Variants in CHD5 observed in about 807,000 individuals in gnomAD.
CHD5 encodes the protein ATP-dependent chromatin remodeler CHD5.
Under a neutral mutation model 230.3 loss-of-function variants are expected in CHD5, and 69 were observed. The ratio of observed to expected loss-of-function variants is 0.30; its 90% CI spans 0.25 to 0.37. The LOEUF is 0.37. Among genes scored for constraint, CHD5 ranks in the 10% least tolerant of loss-of-function variants. CHD5 has a pLI of 1.00. For synonymous variants in CHD5, 1,064 were observed against 1,065.9 expected, an observed-to-expected ratio of 1.00 and a Z score of 0.03; for missense variants, 1,827 against 2,622.8, an observed-to-expected ratio of 0.70 and a Z score of 6.63.
chr1:6,112,863 C>T (rs1339901195), intron 34 of CHD5, 46 bp downstream of exon 34: 2 of 1,460,952 alleles, frequency 1.4e-6, no homozygotes, highest in East Asian at 2.3e-5. Flanking sequence ...AGGGCACCCT[C>T]AAGGGACCAT....
intron 11 of CHD5, 87 bp from the exon 12 acceptor site, chr1:6,144,242 A>AT: frequency 1.3e-6 from 2 of 1,565,816 alleles, no homozygotes; most frequent in Non-Finnish European, 1.7e-6. Context: ...ATGCAGAGCC[A>AT]TTCACACCCA....
intron 15 of CHD5, among the ~76,000 whole-genome samples, chr1:6,137,207 A>C (rs1404945080): frequency 6.6e-6 from 1 of 152,184 alleles, no homozygotes; most frequent in Non-Finnish European, 1.5e-5. Flanking sequence ...TCCCAGGCTC[A>C]AGCAATCCTC....
In CHD5 at chr1:6,152,466, G is replaced by A. The variant is rs140463225; in HGVS notation, c.816C>T (p.Ala272=). The A allele has an allele frequency of 3.9e-5, 63 of 1,614,016 alleles. No individual in the cohort carries two copies. Among genetic ancestry groups the A allele is most frequent in the Admixed American group, 8.3e-5 (5 of 59,994 alleles). The change falls in exon 6 of 42, where the codon GCC becomes GCT. Residue 272 remains alanine, a synonymous_variant. Transcript: ENST00000262450. ...TCCCCCCGAAGCGGAACTTGAGCCCGGCCGTCTTTTTCCCTTTGCCCTTTT... is the reference window on the plus strand; with the variant it reads ...TCCCCCCGAAGCGGAACTTGAGCCCAGCCGTCTTTTTCCCTTTGCCCTTTT... ...GKKKGKGKKT[A]GLKFRFGGIS... is the part of the protein sequence containing the mutation.
chr1:6,110,881 G>T (rs1666276871), intron 36 of CHD5, among the ~76,000 whole-genome samples: 1 of 152,180 alleles, frequency 6.6e-6, no homozygotes, highest in Non-Finnish European at 1.5e-5. Context: ...TTAAGAAAGG[G>T]TCATGCTGGA....
rs1341010775 is a variant in CHD5 at position 6,154,072 on chromosome 1, A to G, written c.745+588T>C. ...GATCTCCTTCCAGGCCTGTCCCAGA[A>G]CAGCCTCCCTGGGAAGCGAGACCTG... On this transcript the variant is annotated intron_variant, in intron 5 of 41. Coordinates refer to ENST00000262450, the MANE Select transcript of CHD5 (RefSeq NM_015557.3). This position sits in a 1 kb window ranked among gnomAD's most constrained non-coding sequence, Gnocchi z 7.0. Among the ~76,000 whole-genome samples the G allele has an allele frequency of 6.6e-6, 1 of 152,076 alleles. No homozygotes were observed. The highest frequency in any genetic ancestry group is 1.5e-5 in the Non-Finnish European group (1 of 67,980).
intron 30 of CHD5, 101 bp downstream of exon 30, chr1:6,124,416 C>T (rs966517597): frequency 7.3e-7 from 1 of 1,376,094 alleles, no homozygotes; most frequent in African/African-American, 1.4e-5. Context: ...AGCTGTGTGG[C>T]CTGAACCAGG....
chr1:6,123,517 C>G (rs1420495199), intron 31 of CHD5, among the ~76,000 whole-genome samples: 1 of 151,976 alleles, frequency 6.6e-6, no homozygotes, highest in Non-Finnish European at 1.5e-5. Context: ...ACCTCCGCTT[C>G]CCAGGTTCAA....
Position 6,124,018 on chromosome 1 carries a change from G to C in CHD5, c.4629C>G (p.Ile1543Met). 3 of 1,612,916 alleles carry C rather than the reference G, an allele frequency of 1.9e-6. No homozygotes were observed. Among genetic ancestry groups the C allele is most frequent in the Non-Finnish European group, 2.5e-6 (3 of 1,179,696 alleles). The change falls in exon 31 of 42, where the codon ATC becomes ATG. Residue 1543 changes from isoleucine (I) to methionine (M), a missense_variant. This residue lies in a region of CHD5 where 272 missense variants were observed against 263.2 expected (regional missense o/e 1.03). Coordinates refer to ENST00000262450, the MANE Select transcript of CHD5 (RefSeq NM_015557.3). ...GPEGKKSGEVISSDPNTPVPA... is the reference protein window; with the variant it reads ...GPEGKKSGEVMSSDPNTPVPA... ...GCACTGGTGTGTTGGGGTCCGAGGA[G>C]ATCACCTCGCCCGACTTCTTCCCCT...
intron 1 of CHD5, among the ~76,000 whole-genome samples, chr1:6,169,001 AGAGT>A (rs2100882848): frequency 6.6e-6 from 1 of 150,720 alleles, no homozygotes; most frequent in East Asian, 1.9e-4. Flanking sequence ...CCTGGGCAAC[AGAGT>A]GAGACTCCAT....
In CHD5 at chr1:6,112,267, C is replaced by T. The variant is rs761758187; in HGVS notation, c.5013G>A (p.Lys1671=). The T allele has an allele frequency of 6.2e-7, 1 of 1,614,136 alleles. No individual in the cohort carries two copies. Among genetic ancestry groups the T allele is most frequent in the South Asian group, 1.1e-5 (1 of 91,072 alleles). Reference sequence around the variant, plus strand: ...TTTCAATGGGCTCCTTCTCCTCAGCCTTGGTGTCATCTGCCGGGGACAGAT... The same window carrying T: ...TTTCAATGGGCTCCTTCTCCTCAGCTTTGGTGTCATCTGCCGGGGACAGAT... The part of the protein sequence containing the change: ...DSSELRPDDT[K]AEEKEPIETQ... Residue 1671 remains lysine (K), a synonymous_variant, in exon 35 of 42, where the codon AAG becomes AAA. Coordinates refer to ENST00000262450, the MANE Select transcript of CHD5 (RefSeq NM_015557.3).
Position 6,155,890 on chromosome 1 carries a change from C to T in CHD5, c.388-173G>A, listed in dbSNP as rs562013430. On this transcript the variant is annotated intron_variant, in intron 3 of 41. Coordinates refer to ENST00000262450, the MANE Select transcript of CHD5 (RefSeq NM_015557.3). The surrounding 1 kb of genome is among the most constrained non-coding windows in gnomAD (Gnocchi z 4.0). ...AGGAAACATTCAAGCCCTGCAGCCC[C>T]GCAGCCCCGCAGCCCCCAATCTGTG... 8.5e-5 allele frequency among the ~76,000 whole-genome samples: 13 copies of T among 152,310 alleles called. No homozygotes were observed. The highest frequency in any genetic ancestry group is 2.1e-4 in the South Asian group (1 of 4,824).
Position 6,128,703 on chromosome 1 carries a change from G to T in CHD5, c.3620-94C>A. ...AGAGACACCACCCTGGGCTGTCCTA[G>T]CCAGGAGATACAGGTGGGGGGTGCA... On this transcript the variant is annotated intron_variant, in intron 23 of 41. Coordinates refer to ENST00000262450, the MANE Select transcript of CHD5 (RefSeq NM_015557.3). The surrounding 1 kb of genome is among the most constrained non-coding windows in gnomAD (Gnocchi z 7.8). 2 of 1,299,486 alleles carry T rather than the reference G, an allele frequency of 1.5e-6. No homozygotes were observed. Among genetic ancestry groups the T allele is most frequent in the Non-Finnish European group, 2.2e-6 (2 of 909,878 alleles). The allele number at this position is 1,299,486 out of a possible 1,614,324, so 80.5% of individuals were successfully genotyped here.
In CHD5 at chr1:6,152,388, A is replaced by G. The variant is rs150442867; in HGVS notation, c.870+24T>C. 9.5e-4 allele frequency: 1,527 copies of G among 1,605,290 alleles called. 12 individuals are homozygous for G. In the African/African-American group the frequency reaches 0.018, roughly 19 times the overall value. On this transcript the variant is annotated intron_variant, in intron 6 of 41. Transcript: ENST00000262450. ...CACACATGCATGCAAATGCACACAC[A>G]CGCGCACACACGCACACACTCACCG...
rs911048538 is a variant in CHD5 at position 6,134,367 on chromosome 1, C to T, written c.3013-108G>A. 5.3e-6 allele frequency: 7 copies of T among 1,320,196 alleles called. No homozygotes were observed. The highest frequency in any genetic ancestry group is 7.4e-6 in the Non-Finnish European group (7 of 949,556). The allele number at this position is 1,320,196 out of a possible 1,614,324, so 81.8% of individuals were successfully genotyped here. ...CAAGTGCTGAGCAATGGGGTGATGGCCTGTCTGCCCACTGAACATGAGACC... is the reference window on the plus strand; with the variant it reads ...CAAGTGCTGAGCAATGGGGTGATGGTCTGTCTGCCCACTGAACATGAGACC... On this transcript the variant is annotated intron_variant, in intron 19 of 41. Transcript: ENST00000262450. This position sits in a 1 kb window ranked among gnomAD's most constrained non-coding sequence, Gnocchi z 6.3.
chr1:6,126,233 C>A lies in CHD5; in HGVS notation c.4078+339G>T, dbSNP rs1297899838. ...CCCAGCTCCAACCAGCGCCGCCCAG[C>A]GTTCCTGGCCCCCACCTCCCGGGGG... On this transcript the variant is annotated intron_variant, in intron 26 of 41. Coordinates refer to ENST00000262450, the MANE Select transcript of CHD5 (RefSeq NM_015557.3). This position sits in a 1 kb window ranked among gnomAD's most constrained non-coding sequence, Gnocchi z 5.7. Among the ~76,000 whole-genome samples the A allele has an allele frequency of 1.3e-5, 2 of 152,310 alleles. No individual in the cohort carries two copies. The highest frequency in any genetic ancestry group is 4.8e-5 in the African/African-American group (2 of 41,564).
chr1:6,145,946 T>A (rs1437954444), intron 11 of CHD5, among the ~76,000 whole-genome samples: 1 of 152,164 alleles, frequency 6.6e-6, no homozygotes, highest in Non-Finnish European at 1.5e-5. Flanking sequence ...TAACCCAGCA[T>A]GAGGGTCCCG....
chr1:6,174,582 T>A lies in CHD5; in HGVS notation c.79+5363A>T, dbSNP rs115311337. 6.1e-3 allele frequency among the ~76,000 whole-genome samples: 886 copies of A among 146,188 alleles called. 9 individuals carry two copies. The highest frequency in any genetic ancestry group is 0.021 in the African/African-American group (830 of 39,126). ...GGACGGATGGTGGATGGGTGGATAG[T>A]GGATGGATGGTGGATGGGTGGATGG... is the stretch of plus-strand genomic sequence containing the variant. On this transcript the variant is annotated intron_variant, in intron 1 of 41. Transcript: ENST00000262450.
In CHD5 at chr1:6,121,311, G is replaced by C; in HGVS notation, c.4780-74C>G. The stretch of plus-strand genomic sequence containing the variant: ...AACGGAGGGCGGGGAACGTGCGCTG[G>C]GCTGGGAACCCAGTCTCCTGGCTCC... On this transcript the variant is annotated intron_variant, in intron 32 of 41. Transcript: ENST00000262450. The surrounding 1 kb of genome is among the most constrained non-coding windows in gnomAD (Gnocchi z 4.5). 1 of 1,566,950 alleles carries C rather than the reference G, an allele frequency of 6.4e-7. No homozygotes were observed. The highest frequency in any genetic ancestry group is 8.7e-7 in the Non-Finnish European group (1 of 1,154,962).
At chr1:6,123,221 C>G (rs1293302929) in intron 31 of CHD5, among the ~76,000 whole-genome samples, 1 of 152,190 alleles carries the variant, frequency 6.6e-6, no homozygotes, top group Non-Finnish European at 1.5e-5. Flanking sequence ...GGCCCACGCA[C>G]TGTGCAGTGC....
Sources: gnomAD v4.1 joint callset for allele counts (sites outside exome capture counted in the v4.1 genomes callset) on GRCh38, gnomAD v4.1.1 for gene constraint, gnomAD v4.1.1 regional missense constraint, Gnocchi (gnomAD v3.1) non-coding constraint, MANE v1.5 for transcripts, NCBI Gene and HGNC (gene_info 2026-07-23, HGNC 2026-07-21) for gene names.